The following SCHIP1 variants were observed in gnomAD, a reference collection of about 807,000 sequenced individuals.
The protein encoded by SCHIP1 is schwannomin-interacting protein 1.
Under a neutral mutation model 29.7 loss-of-function variants are expected in SCHIP1, and 8 were observed. That is an observed-to-expected ratio of 0.27 (90% confidence interval 0.16 to 0.49). SCHIP1 has a LOEUF of 0.49. Ranked by LOEUF, SCHIP1 falls within the 20% of genes least tolerant of loss-of-function variation. The pLI, the probability that SCHIP1 is intolerant of heterozygous loss-of-function variation, is 0.99. For synonymous variants in SCHIP1, 76 were observed against 94.9 expected (o/e 0.80, Z 1.16); for missense variants, 193 against 294.6 (o/e 0.66, Z 2.52).
the SCHIP1 span, among the ~76,000 whole-genome samples, chr3:159,733,422 T>A: frequency 9.2e-5 from 14 of 152,250 alleles, no homozygotes; most frequent in East Asian, 2.5e-3. Context: ...TTGATGGTCA[T>A]TTTACGTAAT....
the SCHIP1 span, among the ~76,000 whole-genome samples, chr3:159,523,361 G>A: frequency 6.6e-6 from 1 of 152,182 alleles, no homozygotes; most frequent in African/African-American, 2.4e-5. Flanking sequence ...TTTCATTTAT[G>A]TTGCATTAAT....
the SCHIP1 span, among the ~76,000 whole-genome samples, chr3:159,616,813 T>C: frequency 6.6e-6 from 1 of 152,170 alleles, no homozygotes; most frequent in African/African-American, 2.4e-5. Context: ...TTCAGGCTAA[T>C]GGAACAGCCA....
the SCHIP1 span, among the ~76,000 whole-genome samples, chr3:159,562,195 A>C: frequency 6.6e-6 from 1 of 152,190 alleles, no homozygotes; most frequent in East Asian, 1.9e-4. Context: ...AACCACCACT[A>C]TGCCCTTGGA....
the SCHIP1 span, among the ~76,000 whole-genome samples, chr3:159,684,434 A>G: frequency 6.6e-6 from 1 of 152,096 alleles, no homozygotes; most frequent in African/African-American, 2.4e-5. Context: ...GGTGAGTAAT[A>G]CTTTCTTCTT....
the SCHIP1 span, among the ~76,000 whole-genome samples, chr3:159,587,109 A>C: frequency 6.6e-6 from 1 of 152,246 alleles, no homozygotes; most frequent in East Asian, 1.9e-4. Context: ...GCTTTTCCAA[A>C]ATACTGACTC....
the SCHIP1 span, among the ~76,000 whole-genome samples, chr3:159,408,028 C>T: frequency 6.6e-6 from 1 of 152,072 alleles, no homozygotes. Context: ...AATAAATAAT[C>T]AGAGCAGAGT....
At chr3:159,878,739 C>T (rs1716128064) in intron 2 of SCHIP1, among the ~76,000 whole-genome samples, 1 of 149,278 alleles carries the variant, frequency 6.7e-6, no homozygotes, top group Non-Finnish European at 1.5e-5. Flanking sequence ...GATCCCGCCA[C>T]TGCACTCCAG....
chr3:159,585,808 A>G, the SCHIP1 span, among the ~76,000 whole-genome samples: 2,570 of 152,286 alleles, frequency 0.017, 29 homozygotes, highest in Non-Finnish European at 0.025. Flanking sequence ...TTCAAAATTA[A>G]TAAGTCTTAC....
At chr3:159,743,911 T>G in the SCHIP1 span, among the ~76,000 whole-genome samples, 1 of 152,124 alleles carries the variant, frequency 6.6e-6, no homozygotes, top group East Asian at 1.9e-4. Context: ...AAAGTTTAAT[T>G]TAAAAAATAA....
the SCHIP1 span, among the ~76,000 whole-genome samples, chr3:159,690,531 CTT>C: frequency 2.0e-5 from 3 of 152,072 alleles, no homozygotes; most frequent in Non-Finnish European, 4.4e-5. Flanking sequence ...TTTTGTTAAT[CTT>C]TTCAAAAAAC....
chr3:159,849,560 T>C (rs1052400904), intron 1 of SCHIP1, among the ~76,000 whole-genome samples: 1 of 152,198 alleles, frequency 6.6e-6, no homozygotes, highest in African/African-American at 2.4e-5. Flanking sequence ...AGGAGCAGAA[T>C]ACTGCTTTGC....
intron 2 of SCHIP1, among the ~76,000 whole-genome samples, chr3:159,879,019 T>G (rs1716172865): frequency 1.3e-5 from 2 of 151,328 alleles, no homozygotes; most frequent in South Asian, 4.1e-4. Context: ...GGTACTGTTT[T>G]TAGCCTTCTT....
At chr3:159,871,658 G>GA (rs1715301745) in intron 2 of SCHIP1, among the ~76,000 whole-genome samples, 1 of 152,150 alleles carries the variant, frequency 6.6e-6, no homozygotes, top group Non-Finnish European at 1.5e-5. Flanking sequence ...GCGACTGAGA[G>GA]AAACCCTCCA....
the SCHIP1 span, among the ~76,000 whole-genome samples, chr3:159,610,222 G>A: frequency 6.6e-6 from 1 of 152,132 alleles, no homozygotes; most frequent in Non-Finnish European, 1.5e-5. Context: ...CTTCCCCCTA[G>A]ATGAGAGATG....
the SCHIP1 span, among the ~76,000 whole-genome samples, chr3:159,333,402 T>A: frequency 6.6e-6 from 1 of 152,312 alleles, no homozygotes; most frequent in Non-Finnish European, 1.5e-5. Flanking sequence ...TTGCTATGAT[T>A]ATTATTCACA....
the SCHIP1 span, among the ~76,000 whole-genome samples, chr3:159,376,804 C>T: frequency 1.3e-5 from 2 of 152,166 alleles, no homozygotes; most frequent in Non-Finnish European, 2.9e-5. Context: ...CTGGACACCC[C>T]TACTTCTCCA....
At chr3:159,586,925 A>T in the SCHIP1 span, among the ~76,000 whole-genome samples, 1 of 152,184 alleles carries the variant, frequency 6.6e-6, no homozygotes, top group South Asian at 2.1e-4. Context: ...AACTTTAGAA[A>T]GGTAGTTATT....
At chr3:159,623,036 A>G in the SCHIP1 span, among the ~76,000 whole-genome samples, 1 of 152,248 alleles carries the variant, frequency 6.6e-6, no homozygotes, top group East Asian at 1.9e-4. Context: ...GATTGGCAAC[A>G]GACTGAATAC....
chr3:159,718,949 G>A, the SCHIP1 span, among the ~76,000 whole-genome samples: 25 of 151,958 alleles, frequency 1.6e-4, no homozygotes, highest in Non-Finnish European at 3.1e-4. Context: ...AAAAGAACAA[G>A]GCTGGAGGCA....
Sources: allele counts gnomAD v4.1 joint callset (sites outside exome capture counted in the v4.1 genomes callset), GRCh38; gene constraint gnomAD v4.1.1; transcripts MANE v1.5; gene names NCBI Gene and HGNC (gene_info 2026-07-23, HGNC 2026-07-21).